PPP1R42: variants seen among roughly 807,000 people sequenced by gnomAD.
PPP1R42 encodes the protein leucine rich repeat containing 67.
A neutral mutation model predicts 31.0 loss-of-function variants in PPP1R42; 34 were observed. The observed-to-expected ratio is 1.10, with a 90% CI of 0.83 to 1.46. The LOEUF (loss-of-function observed/expected upper bound fraction) is 1.46. Ranked by LOEUF, PPP1R42 falls within the 40% of genes most tolerant of loss-of-function variation. The pLI, the probability that PPP1R42 is intolerant of heterozygous loss-of-function variation, is 0.00. For synonymous variants in PPP1R42, 103 were observed against 109.8 expected (o/e 0.94, Z 0.39); for missense variants, 268 against 303.0 (o/e 0.88, Z 0.86).
chr8:66,976,667 T>G (rs1441203160), intron 7 of PPP1R42, among the ~76,000 whole-genome samples: 1 of 152,148 alleles, frequency 6.6e-6, no homozygotes, highest in African/African-American at 2.4e-5. Flanking sequence ...CATTTCACTT[T>G]CTGTTTCTGG....
At chr8:66,982,355 A>G (rs2130924481) in intron 6 of PPP1R42, among the ~76,000 whole-genome samples, 175 bp from the exon 7 acceptor site, 1 of 152,362 alleles carries the variant, frequency 6.6e-6, no homozygotes, top group African/African-American at 2.4e-5. Flanking sequence ...TTTTATTTAT[A>G]GATTTTTTTC....
chr8:66,981,963 C>T (rs966903181), intron 7 of PPP1R42, 86 bp downstream of exon 7: 1 of 1,228,776 alleles, frequency 8.1e-7, no homozygotes, highest in Non-Finnish European at 1.0e-6. Flanking sequence ...TAAACAAAAA[C>T]TATTTTATTT....
At chr8:67,006,874 G>A (rs974031520) in intron 5 of PPP1R42, among the ~76,000 whole-genome samples, 1 of 150,906 alleles carries the variant, frequency 6.6e-6, no homozygotes, top group Non-Finnish European at 1.5e-5. Flanking sequence ...AGCCTCCCGA[G>A]TAGCTGGGAC....
At chr8:67,008,088 G>A (rs543218710) in intron 5 of PPP1R42, among the ~76,000 whole-genome samples, 8 of 151,816 alleles carry the variant, frequency 5.3e-5, no homozygotes, top group African/African-American at 1.4e-4. Context: ...GGGTTTCACC[G>A]TGTTAGCCAG....
chr8:67,000,573 T>C (rs980138251), intron 5 of PPP1R42, among the ~76,000 whole-genome samples: 2 of 152,104 alleles, frequency 1.3e-5, no homozygotes, highest in African/African-American at 4.8e-5. Context: ...TCCTCCCAAC[T>C]CAGCCTCCTG....
In PPP1R42 at chr8:67,017,828, C is replaced by T. The variant is rs1816063103; in HGVS notation, c.-81G>A. 2 of 1,390,846 alleles carry T rather than the reference C, an allele frequency of 1.4e-6. No individual in the cohort carries two copies. The highest frequency in any genetic ancestry group is 2.3e-4 in the Middle Eastern group (1 of 4,314). 86.2% of individuals were successfully genotyped at this position (1,390,846 alleles called of 1,614,324 possible). A position where few individuals can be genotyped will look rare whatever the true frequency, so the allele number is the denominator to read the frequency against. ...AAGTAGGTTTAGGTATTATTTCCAA[C>T]TTTCTGAAGATTAAAGAAAAAAGGA... On this transcript the variant is annotated 5_prime_UTR_variant, in exon 2 of 8. Transcript: ENST00000685739.
At chr8:67,010,923 G>A in intron 4 of PPP1R42, 92 bp from the exon 5 acceptor site, 1 of 1,227,278 alleles carries the variant, frequency 8.1e-7, no homozygotes, top group Non-Finnish European at 1.1e-6. Context: ...GTTTAAGCTT[G>A]ATCAGTTCAG....
intron 1 of PPP1R42, among the ~76,000 whole-genome samples, chr8:67,022,366 A>C (rs1004932873): frequency 1.3e-5 from 2 of 152,112 alleles, no homozygotes; most frequent in African/African-American, 2.4e-5. Flanking sequence ...TGCTTTTCTA[A>C]GAAATTTTTA....
At chr8:66,969,417 A>C (rs1814477332) in intron 7 of PPP1R42, among the ~76,000 whole-genome samples, 1 of 152,366 alleles carries the variant, frequency 6.6e-6, no homozygotes, top group East Asian at 1.9e-4. Flanking sequence ...TTTGGTGATA[A>C]TGACAATGGA....
intron 5 of PPP1R42, among the ~76,000 whole-genome samples, chr8:67,003,922 C>G (rs1355584249): frequency 6.6e-6 from 1 of 152,086 alleles, no homozygotes; most frequent in Admixed American, 6.6e-5. Context: ...AACCCCGTCT[C>G]TACTAAAAGT....
chr8:66,985,394 A>G (rs1014539614), intron 6 of PPP1R42: 2 of 744,070 alleles, frequency 2.7e-6, no homozygotes, highest in Non-Finnish European at 4.8e-6. Context: ...GCAGGAGTAG[A>G]CATGCAGTGT....
In PPP1R42 at chr8:66,964,263, T is replaced by C. The variant is rs1296802121; in HGVS notation, c.*58A>G. The C allele has an allele frequency of 8.1e-7, 1 of 1,241,890 alleles. No individual in the cohort carries two copies. The highest frequency in any genetic ancestry group is 2.3e-5 in the Admixed American group (1 of 43,112). The allele number at this position is 1,241,890 out of a possible 1,614,324, so 76.9% of individuals were successfully genotyped here. On this transcript the variant is annotated 3_prime_UTR_variant, in exon 8 of 8. Transcript: ENST00000685739. ...AAACAAATTTTCTTTTTCTTCTGGGTTATGGAAGAGGTGAGGTTCATGCAC... is the reference window on the plus strand; with the variant it reads ...AAACAAATTTTCTTTTTCTTCTGGGCTATGGAAGAGGTGAGGTTCATGCAC...
intron 7 of PPP1R42, among the ~76,000 whole-genome samples, chr8:66,969,793 A>T (rs1047658271): frequency 6.6e-6 from 1 of 152,254 alleles, no homozygotes; most frequent in African/African-American, 2.4e-5. Flanking sequence ...GGCTCTGTTT[A>T]CTTTCTCAAT....
At chr8:66,970,821 A>G (rs1306599526) in intron 7 of PPP1R42, 2 of 676,154 alleles carry the variant, frequency 3.0e-6, no homozygotes, top group Non-Finnish European at 5.3e-6. Flanking sequence ...GCAGACCAAC[A>G]ATGAACTTTT....
At chr8:67,001,865 G>A (rs893704856) in intron 5 of PPP1R42, among the ~76,000 whole-genome samples, 6 of 152,190 alleles carry the variant, frequency 3.9e-5, no homozygotes, top group African/African-American at 1.2e-4. Context: ...GTGAGGCTGT[G>A]GCAGGACGTT....
intron 5 of PPP1R42, among the ~76,000 whole-genome samples, chr8:67,009,285 G>C: frequency 6.7e-6 from 1 of 150,050 alleles, no homozygotes; most frequent in South Asian, 2.1e-4. Context: ...ATAAAATAAA[G>C]GGCCGGGTCC....
chr8:67,010,467 C>T (rs1432321846), intron 5 of PPP1R42: 1 of 355,636 alleles, frequency 2.8e-6, no homozygotes, highest in South Asian at 3.6e-5. Flanking sequence ...AGAAGAGATA[C>T]TTCCCTTCTC....
intron 2 of PPP1R42, 112 bp downstream of exon 2, chr8:67,017,507 A>G: frequency 3.5e-6 from 2 of 571,512 alleles, no homozygotes; most frequent in Non-Finnish European, 5.4e-6. Flanking sequence ...CAAAAAAAAA[A>G]GTTAATAAGA....
chr8:66,984,732 G>T lies in PPP1R42; in HGVS notation c.671-2552C>A, dbSNP rs1814951429. 6 of 1,607,410 alleles carry T rather than the reference G, an allele frequency of 3.7e-6. No individual in the cohort carries two copies. The Admixed American group carries it at 1.0e-4, about 27-fold the overall frequency. On this transcript the variant is annotated intron_variant, in intron 6 of 7. Coordinates refer to ENST00000685739, the MANE Select transcript of PPP1R42 (RefSeq NM_001364910.1). ...TTTTTGCCATCTGAGCTGTGACATG[G>T]GCTTCTACCTTCGTGGGGTCTTGAA... is the stretch of plus-strand genomic sequence containing the variant.
Sources: gnomAD v4.1 joint callset for allele counts (sites outside exome capture counted in the v4.1 genomes callset) on GRCh38, gnomAD v4.1.1 for gene constraint, MANE v1.5 for transcripts, NCBI Gene and HGNC (gene_info 2026-07-23, HGNC 2026-07-21) for gene names.